The following ARHGEF17 variants were observed in gnomAD, a reference collection of about 807,000 sequenced individuals.
The protein encoded by ARHGEF17 is 164 kDa Rho-specific guanine-nucleotide exchange factor.
ARHGEF17 carries 80 observed loss-of-function variants against 174.0 expected under a neutral mutation model. The ratio of observed to expected loss-of-function variants is 0.46; its 90% confidence interval spans 0.38 to 0.55. The LOEUF (loss-of-function observed/expected upper bound fraction) is 0.55, where lower values mean the gene tolerates loss of function less well. Among genes scored for constraint, ARHGEF17 ranks in the 20% least tolerant of loss-of-function variants. The probability of loss-of-function intolerance (pLI) is 0.00; values close to 1 mark genes in which losing one functional copy is unlikely to be tolerated. For missense variants in ARHGEF17, 2,886 were observed against 2,839.7 expected (o/e 1.02, Z -0.37); for synonymous variants, 1,311 against 1,189.1 (o/e 1.10, Z -2.11).
chr11:73,362,528 C>T lies in ARHGEF17; in HGVS notation c.4790C>T (p.Ala1597Val), dbSNP rs1317177285. The T allele has an allele frequency of 6.2e-7, 1 of 1,606,042 alleles. No individual in the cohort carries two copies. The highest frequency in any genetic ancestry group is 1.7e-5 in the Admixed American group (1 of 59,908). Residue 1597 changes from alanine to valine, a missense_variant, in exon 14 of 21, where the codon GCG becomes GTG. Transcript: ENST00000263674. ...DVEAAADEEA[A>V]TLAEPGPQPC... ...GAGGCCGCTGCAGACGAGGAAGCCG[C>T]GACGCTCGCGGAGCCGGGGCCGCAG...
In ARHGEF17 at chr11:73,362,084, G is replaced by A. The variant is rs747526360; in HGVS notation, c.4539G>A (p.Ser1513=). The A allele has an allele frequency of 1.3e-5, 21 of 1,612,776 alleles. 1 individual carries two copies. The South Asian group carries it at 2.3e-4, about 18-fold the overall frequency. ...CCCTGAACAGCTGCCCGGAGCCCTC[G>A]CCTGAGGTATGGGTCTGCAACAGCG... ...APTLNSCPEP[S]PEVWVCNSDG... The change falls in exon 13 of 21, where the codon TCG becomes TCA. Residue 1513 remains serine (S), a synonymous_variant. Transcript: ENST00000263674.
At position 73,329,356 on chromosome 11, in the gene ARHGEF17, TATATATATA is replaced by T. The variant is rs1865159911; in HGVS notation, c.3193-17526_3193-17518del. Among the ~76,000 whole-genome samples the T allele has an allele frequency of 5.4e-4, 20 of 37,212 alleles. 1 individual carries two copies. Among genetic ancestry groups the T allele is most frequent in the African/African-American group, 1.7e-3 (8 of 4,776 alleles). 24.4% of individuals were successfully genotyped at this position (37,212 alleles called of 152,430 possible). ...ATATATATATATATATATATATATA[TATATATATA>T]TATATATATTTTTTTTTTTTTTTTG... On this transcript the variant is annotated intron_variant, in intron 1 of 20. Coordinates refer to ENST00000263674, the MANE Select transcript of ARHGEF17 (RefSeq NM_014786.4).
chr11:73,336,581 C>T (rs1176230584), intron 1 of ARHGEF17, among the ~76,000 whole-genome samples: 1 of 152,222 alleles, frequency 6.6e-6, no homozygotes, highest in Admixed American at 6.5e-5. Context: ...GTTGGAGTCC[C>T]AGCTGGACCC....
In ARHGEF17 at chr11:73,310,194, C is replaced by G; in HGVS notation, c.1556C>G (p.Pro519Arg). Residue 519 changes from proline (P) to arginine (R), a missense_variant, in exon 1 of 21, where the codon CCC becomes CGC. Physicochemically the swap from Pro to Arg is moderately radical, Grantham distance 103. Around this residue, in one of 4 missense-constraint regions of ARHGEF17, gnomAD observed 1,728 missense variants for 1,461.2 expected, o/e 1.18. Transcript: ENST00000263674. ...GGTGGCCCTGTGGGGCAACTTGAACCCATACCCATCCCAGCCCCAGCATCA... is the reference window on the plus strand; with the variant it reads ...GGTGGCCCTGTGGGGCAACTTGAACGCATACCCATCCCAGCCCCAGCATCA... ...SAGGPVGQLE[P>R]IPIPAPASPG... The G allele has an allele frequency of 6.2e-7, 1 of 1,613,956 alleles. No homozygotes were observed. Among genetic ancestry groups the G allele is most frequent in the African/African-American group, 1.3e-5 (1 of 75,050 alleles).
At chr11:73,338,335 G>A (rs577040888) in intron 1 of ARHGEF17, among the ~76,000 whole-genome samples, 33 of 152,320 alleles carry the variant, frequency 2.2e-4, no homozygotes, top group African/African-American at 7.2e-4. Context: ...TGGCTCCAGG[G>A]CCTGCCTTCT....
intron 1 of ARHGEF17, among the ~76,000 whole-genome samples, chr11:73,318,371 T>C (rs188668843): frequency 6.6e-6 from 1 of 152,300 alleles, no homozygotes; most frequent in Admixed American, 6.5e-5. Flanking sequence ...GCGTGGTGGC[T>C]CACCCCTGTA....
At position 73,365,198 on chromosome 11, in the gene ARHGEF17, A is replaced by G; in HGVS notation, c.5551-192A>G. 1 of 624,718 alleles carries G rather than the reference A, an allele frequency of 1.6e-6. No homozygotes were observed. The highest frequency in any genetic ancestry group is 2.8e-6 in the Non-Finnish European group (1 of 360,804). The allele number at this position is 624,718 out of a possible 1,614,324, so 38.7% of individuals were successfully genotyped here. A position where few individuals can be genotyped will look rare whatever the true frequency, so the allele number is the denominator to read the frequency against. Reference sequence around the variant, plus strand: ...TAAATCACTCAAGTTTAATGGGGAAAAAGCACCTCCATTGTAATTCCTGAG... The same window carrying G: ...TAAATCACTCAAGTTTAATGGGGAAGAAGCACCTCCATTGTAATTCCTGAG... On this transcript the variant is annotated intron_variant, in intron 18 of 20. Transcript: ENST00000263674. This position sits in a 1 kb window ranked among gnomAD's most constrained non-coding sequence, Gnocchi z 4.9.
chr11:73,362,534 T>C lies in ARHGEF17; in HGVS notation c.4796T>C (p.Leu1599Pro), dbSNP rs1258448992. The C allele has an allele frequency of 1.2e-6, 2 of 1,606,718 alleles. No individual in the cohort carries two copies. Among genetic ancestry groups the C allele is most frequent in the Non-Finnish European group, 1.7e-6 (2 of 1,178,746 alleles). The change falls in exon 14 of 21, where the codon CTC becomes CCC. Residue 1599 changes from leucine (L) to proline (P), a missense_variant. By Grantham distance (98) the Leu-to-Pro change is moderately conservative (BLOSUM62 -3). This residue lies in a region of ARHGEF17 where 476 missense variants were observed against 473.1 expected (regional missense o/e 1.01). Transcript: ENST00000263674. ...GCTGCAGACGAGGAAGCCGCGACGCTCGCGGAGCCGGGGCCGCAGCCCTGC... is the reference window on the plus strand; with the variant it reads ...GCTGCAGACGAGGAAGCCGCGACGCCCGCGGAGCCGGGGCCGCAGCCCTGC... Reference protein sequence around the residue: ...EAAADEEAATLAEPGPQPCLH... With the variant: ...EAAADEEAATPAEPGPQPCLH...
At position 73,311,175 on chromosome 11, in the gene ARHGEF17, G is replaced by A; in HGVS notation, c.2537G>A (p.Gly846Glu). The A allele has an allele frequency of 6.3e-7, 1 of 1,597,340 alleles. No homozygotes were observed. Among genetic ancestry groups the A allele is most frequent in the Non-Finnish European group, 8.6e-7 (1 of 1,169,206 alleles). Residue 846 changes from glycine (G) to glutamate (E), a missense_variant, in exon 1 of 21, where the codon GGA becomes GAA. Physicochemically the swap from Gly to Glu is moderately conservative, Grantham distance 98. This residue lies in a region of ARHGEF17 where 1,728 missense variants were observed against 1,461.2 expected (regional missense o/e 1.18). Coordinates refer to ENST00000263674, the MANE Select transcript of ARHGEF17 (RefSeq NM_014786.4). ...GCTGGGCCTGGATTCGAGGGCCCTG[G>A]AGGGGAGCCCATCCGAGAAGTTGAG... Reference protein sequence around the residue: ...ELAGPGFEGPGGEPIREVEPM... With the variant: ...ELAGPGFEGPEGEPIREVEPM...
At chr11:73,330,382 T>C (rs1865186001) in intron 1 of ARHGEF17, among the ~76,000 whole-genome samples, 1 of 152,274 alleles carries the variant, frequency 6.6e-6, no homozygotes, top group Non-Finnish European at 1.5e-5. Flanking sequence ...TTTTCTCTGC[T>C]ATTTTCAGTT....
chr11:73,334,689 C>T lies in ARHGEF17; in HGVS notation c.3193-12194C>T, dbSNP rs537107705. ...CTTTCCCAGGGTGCCTGGCCCACAGCCCAGTGAGTCATCTTCTGCACCAGA... is the reference window on the plus strand; with the variant it reads ...CTTTCCCAGGGTGCCTGGCCCACAGTCCAGTGAGTCATCTTCTGCACCAGA... On this transcript the variant is annotated intron_variant, in intron 1 of 20. Coordinates refer to ENST00000263674, the MANE Select transcript of ARHGEF17 (RefSeq NM_014786.4). Among the ~76,000 whole-genome samples, 10 of 152,288 alleles carry T rather than the reference C, an allele frequency of 6.6e-5. No homozygotes were observed. The South Asian group carries it at 1.9e-3, about 28-fold the overall frequency.
At chr11:73,313,833 G>T (rs185517333) in intron 1 of ARHGEF17, among the ~76,000 whole-genome samples, 20 of 152,352 alleles carry the variant, frequency 1.3e-4, no homozygotes, top group Admixed American at 1.2e-3. Flanking sequence ...TAAAATGGGG[G>T]TAATGGCCTC....
At chr11:73,367,539 C>T (rs1279289092) in intron 20 of ARHGEF17, 45 bp from the exon 21 acceptor site, 4 of 1,528,052 alleles carry the variant, frequency 2.6e-6, no homozygotes, top group Non-Finnish European at 3.6e-6. Context: ...GACAGTGAAG[C>T]CTCCATTCGC....
chr11:73,365,892 G>A lies in ARHGEF17; in HGVS notation c.5940G>A (p.Gln1980=). 1 of 1,609,502 alleles carries A rather than the reference G, an allele frequency of 6.2e-7. No individual in the cohort carries two copies. Among genetic ancestry groups the A allele is most frequent in the Non-Finnish European group, 8.5e-7 (1 of 1,180,006 alleles). Residue 1980 remains glutamine, a synonymous_variant, in exon 20 of 21, where the codon CAG becomes CAA. Transcript: ENST00000263674. The surrounding 1 kb of genome is among the most constrained non-coding windows in gnomAD (Gnocchi z 4.9). ...TGHVRFLAAV[Q]LPDGFNLLCP... ...ACGTCCGCTTCTTGGCTGCAGTCCAGCTGCCAGATGGCTTCAACCTGCTCT... is the reference window on the plus strand; with the variant it reads ...ACGTCCGCTTCTTGGCTGCAGTCCAACTGCCAGATGGCTTCAACCTGCTCT...
chr11:73,330,056 T>C (rs1330321878), intron 1 of ARHGEF17, among the ~76,000 whole-genome samples: 17 of 152,234 alleles, frequency 1.1e-4, no homozygotes, highest in Admixed American at 1.1e-3. Flanking sequence ...CCAAGAGACA[T>C]ATGGATTCCC....
At chr11:73,355,473 A>T in intron 3 of ARHGEF17, 60 bp from the exon 4 acceptor site, 1 of 1,105,822 alleles carries the variant, frequency 9.0e-7, no homozygotes, top group Non-Finnish European at 1.4e-6. Flanking sequence ...GAAAACTAGG[A>T]CAGGGTGAGG....
intron 2 of ARHGEF17, among the ~76,000 whole-genome samples, chr11:73,347,411 C>T (rs975635562): frequency 6.6e-6 from 1 of 152,202 alleles, no homozygotes; most frequent in Non-Finnish European, 1.5e-5. Flanking sequence ...GAGCTCACCG[C>T]CCTGCTGAGT....
chr11:73,343,483 G>C (rs1565199891), intron 1 of ARHGEF17, among the ~76,000 whole-genome samples: 1 of 152,194 alleles, frequency 6.6e-6, no homozygotes, highest in South Asian at 2.1e-4. Context: ...TCAAGGCCTG[G>C]TGGCACTCCG....
chr11:73,311,009 G>A lies in ARHGEF17; in HGVS notation c.2371G>A (p.Glu791Lys), dbSNP rs544196313. The change falls in exon 1 of 21, where the codon GAA becomes AAA. Residue 791 changes from glutamate to lysine, a missense_variant. Physicochemically the swap from Glu to Lys is moderately conservative, Grantham distance 56. This residue lies in a region of ARHGEF17 where 1,728 missense variants were observed against 1,461.2 expected (regional missense o/e 1.18). Coordinates refer to ENST00000263674, the MANE Select transcript of ARHGEF17 (RefSeq NM_014786.4). Reference protein sequence around the residue: ...SGHSDWSVGSEESKGYQEVIQ... With the variant: ...SGHSDWSVGSKESKGYQEVIQ... ...TCACAGTGACTGGTCTGTGGGCAGT[G>A]AAGAGAGCAAGGGATATCAGGAGGT... is the stretch of plus-strand genomic sequence containing the variant. The A allele has an allele frequency of 6.2e-7, 1 of 1,614,202 alleles. No homozygotes were observed. The highest frequency in any genetic ancestry group is 8.5e-7 in the Non-Finnish European group (1 of 1,180,028).
Sources: gnomAD v4.1 joint callset for allele counts (sites outside exome capture counted in the v4.1 genomes callset) on GRCh38, gnomAD v4.1.1 for gene constraint, gnomAD v4.1.1 regional missense constraint, Gnocchi (gnomAD v3.1) non-coding constraint, MANE v1.5 for transcripts, NCBI Gene and HGNC (gene_info 2026-07-23, HGNC 2026-07-21) for gene names.